The following PDIA6 variants were observed in gnomAD, a reference collection of about 807,000 sequenced individuals.
The protein encoded by PDIA6 is protein disulfide-isomerase A6.
PDIA6 carries 29 observed loss-of-function variants against 58.4 expected under a neutral mutation model. That is an observed-to-expected ratio of 0.50 (90% CI 0.37 to 0.68). PDIA6 has a LOEUF of 0.68. Among genes scored for constraint, PDIA6 ranks in the 30% least tolerant of loss-of-function variants. The pLI, the probability that PDIA6 is intolerant of heterozygous loss-of-function variation, is 0.00. For synonymous variants in PDIA6, 192 were observed against 202.6 expected, an observed-to-expected ratio of 0.95 and a Z score of 0.44; for missense variants, 480 against 551.0, an observed-to-expected ratio of 0.87 and a Z score of 1.29.
At chr2:10,806,422 G>GT (rs1666748470) in intron 1 of PDIA6, among the ~76,000 whole-genome samples, 1 of 147,974 alleles carries the variant, frequency 6.8e-6, no homozygotes, top group Admixed American at 7.0e-5. Flanking sequence ...TGTATAATGC[G>GT]TTTTAAGGTA....
intron 1 of PDIA6, among the ~76,000 whole-genome samples, chr2:10,806,195 C>T (rs1666735054): frequency 6.6e-6 from 1 of 150,856 alleles, no homozygotes; most frequent in South Asian, 2.1e-4. Flanking sequence ...TAGTGAGACC[C>T]CCTCTCTAAA....
chr2:10,812,936 GTT>G, upstream of PDIA6: 3 of 772,262 alleles, frequency 3.9e-6, no homozygotes, highest in South Asian at 6.4e-5. Flanking sequence ...TACCGGTTTG[GTT>G]TTTTTTCACG....
intron 1 of PDIA6, among the ~76,000 whole-genome samples, chr2:10,807,211 C>A (rs1219789687): frequency 6.6e-6 from 1 of 152,166 alleles, no homozygotes; most frequent in Admixed American, 6.5e-5. Flanking sequence ...AATAAATACA[C>A]TTTTTAATTT....
In PDIA6 at chr2:10,784,320, C is replaced by A; in HGVS notation, c.1261G>T (p.Val421Leu). The change falls in exon 13 of 13, where the codon GTG (valine) becomes TTG (leucine). Residue 421 changes from valine to leucine, a missense_variant. By Grantham distance (32) the Val-to-Leu change is conservative (BLOSUM62 1). Transcript: ENST00000272227. ...PWDGRDGELP[V>L]EDDIDLSDVE... The stretch of plus-strand genomic sequence containing the variant: ...TCACTGAGGTCAATGTCATCCTCCA[C>A]GGGAAGCTGGGAGACGACAGAAAGC... 16 of 1,612,516 alleles carry A rather than the reference C, an allele frequency of 9.9e-6. No individual in the cohort carries two copies. Among genetic ancestry groups the A allele is most frequent in the Non-Finnish European group, 1.3e-5 (15 of 1,179,502 alleles).
chr2:10,824,082 G>A (rs958868530), intron 1 of PDIA6, among the ~76,000 whole-genome samples: 18 of 152,056 alleles, frequency 1.2e-4, no homozygotes, highest in African/African-American at 4.3e-4. Flanking sequence ...TCATTGCCAA[G>A]AGCACACTCC....
chr2:10,820,439 C>T (rs1326105967), intron 1 of PDIA6, among the ~76,000 whole-genome samples: 2 of 152,226 alleles, frequency 1.3e-5, no homozygotes, highest in Middle Eastern at 3.4e-3. Context: ...TTACTGTACA[C>T]GTGTTAACAA....
At chr2:10,821,079 T>C (rs1667375434) in intron 1 of PDIA6, 1 of 505,446 alleles carries the variant, frequency 2.0e-6, no homozygotes, top group Non-Finnish European at 3.6e-6. Flanking sequence ...TAAAACAGCC[T>C]TCGGAGATTT....
intron 1 of PDIA6, chr2:10,810,550 CTTTG>C (rs1666961020): frequency 3.9e-6 from 3 of 761,558 alleles, no homozygotes; most frequent in East Asian, 5.0e-5. Flanking sequence ...GGTGAGGGAC[CTTTG>C]TTTGTCTTTA....
chr2:10,804,968 C>CTATT (rs1553339686), intron 1 of PDIA6, among the ~76,000 whole-genome samples: 2 of 142,416 alleles, frequency 1.4e-5, no homozygotes, highest in African/African-American at 5.0e-5. Flanking sequence ...ATTTGGCTCT[C>CTATT]TGTCTGTTGT....
In PDIA6 at chr2:10,791,849, C is replaced by A. The variant is rs1466399084; in HGVS notation, c.530G>T (p.Ser177Ile). ...GAACTCAACCATCCAAACATCTTCA[C>A]TGTCCAGAACATTCTTATCAAAGCT... Reference protein sequence around the residue: ...DDSFDKNVLDSEDVWMVEFYA... With the variant: ...DDSFDKNVLDIEDVWMVEFYA... The change falls in exon 6 of 13, where the codon AGT (serine) becomes ATT (isoleucine). Residue 177 changes from serine (S) to isoleucine (I), a missense_variant. Transcript: ENST00000272227. 2 of 1,614,024 alleles carry A rather than the reference C, an allele frequency of 1.2e-6. No individual in the cohort carries two copies. Among genetic ancestry groups the A allele is most frequent in the African/African-American group, 2.7e-5 (2 of 74,952 alleles).
chr2:10,812,559 GCCC>G, intron 1 of PDIA6, 116 bp downstream of exon 1: 1 of 1,041,938 alleles, frequency 9.6e-7, no homozygotes, highest in Non-Finnish European at 1.3e-6. Flanking sequence ...CGCGCCTCCC[GCCC>G]GCCAGGCCCA....
At chr2:10,836,621 T>C (rs928871059), upstream of PDIA6, among the ~76,000 whole-genome samples, 14 of 152,060 alleles carry the variant, frequency 9.2e-5, no homozygotes, top group African/African-American at 2.9e-4. Flanking sequence ...TGGTTGTTTT[T>C]AGCGTATTCA....
At chr2:10,812,496 C>T (rs1667043706) in intron 1 of PDIA6, among the ~76,000 whole-genome samples, 182 bp downstream of exon 1, 1 of 151,774 alleles carries the variant, frequency 6.6e-6, no homozygotes, top group African/African-American at 2.4e-5. Context: ...GAGTCTCCCG[C>T]GCACCCGCAC....
Position 10,784,338 on chromosome 2 carries a change from C to A in PDIA6, c.1255-12G>T. ...TCCTCCACGGGAAGCTGGGAGACGACAGAAAGCCACTGTTAGATCTGCAGA... is the reference window on the plus strand; with the variant it reads ...TCCTCCACGGGAAGCTGGGAGACGAAAGAAAGCCACTGTTAGATCTGCAGA... On this transcript the variant is annotated splice_polypyrimidine_tract_variant and intron_variant, in intron 12 of 12. Coordinates refer to ENST00000272227, the MANE Select transcript of PDIA6 (RefSeq NM_005742.4). 6.2e-7 allele frequency: 1 copy of A among 1,609,994 alleles called. No homozygotes were observed.
Position 10,806,650 on chromosome 2 carries a change from A to ACAG in PDIA6, c.20-4011_20-4010insCTG, listed in dbSNP as rs1666776828. On this transcript the variant is annotated intron_variant, in intron 1 of 12. Coordinates refer to ENST00000272227, the MANE Select transcript of PDIA6 (RefSeq NM_005742.4). ...AGACAGAAAGAAAGAAAGAAAGAAA[A>ACAG]ACGTTACAGTAAATTAAGGTTAATC... is the stretch of plus-strand genomic sequence containing the variant. Among the ~76,000 whole-genome samples the ACAG allele has an allele frequency of 4.4e-4, 28 of 62,966 alleles. 3 individuals are homozygous for ACAG. Among genetic ancestry groups the ACAG allele is most frequent in the South Asian group, 1.2e-3 (2 of 1,730 alleles). 41.3% of individuals were successfully genotyped at this position (62,966 alleles called of 152,430 possible).
At chr2:10,834,579 CT>C (rs1667783013), upstream of PDIA6, among the ~76,000 whole-genome samples, 4 of 152,092 alleles carry the variant, frequency 2.6e-5, no homozygotes, top group Admixed American at 2.6e-4. Flanking sequence ...GCCGAGGCTC[CT>C]GTGGCCTGGG....
At position 10,790,771 on chromosome 2, in the gene PDIA6, T is replaced by G. The variant is rs778704221; in HGVS notation, c.647A>C (p.Lys216Thr). Residue 216 changes from lysine to threonine, a missense_variant, in exon 7 of 13, where the codon AAA becomes ACA. Transcript: ENST00000272227. ...EVKEQTKGKV[K>T]LAAVDATVNQ... ...GACTGTAGCATCCACAGCTGCCAGT[T>G]TCACTTTTCCTTTCGTCTGCTCTTT... The G allele has an allele frequency of 1.9e-6, 3 of 1,614,104 alleles. No homozygotes were observed. In the Admixed American group the frequency reaches 5.0e-5, roughly 27 times the overall value.
At chr2:10,808,469 A>G (rs909512615) in intron 1 of PDIA6, among the ~76,000 whole-genome samples, 1 of 152,236 alleles carries the variant, frequency 6.6e-6, no homozygotes, top group African/African-American at 2.4e-5. Context: ...AAATGTAGAA[A>G]ACAAGGAAGG....
intron 1 of PDIA6, among the ~76,000 whole-genome samples, chr2:10,824,848 T>G (rs1490191211): frequency 6.6e-6 from 1 of 152,246 alleles, no homozygotes; most frequent in African/African-American, 2.4e-5. Flanking sequence ...ATTTTCACTC[T>G]TGGTATCTGT....
Sources: allele counts gnomAD v4.1 joint callset (sites outside exome capture counted in the v4.1 genomes callset), GRCh38; gene constraint gnomAD v4.1.1; transcripts MANE v1.5; gene names NCBI Gene and HGNC (gene_info 2026-07-23, HGNC 2026-07-21).